GPR158: variants seen among roughly 807,000 people sequenced by gnomAD.
GPR158 encodes the protein G protein-coupled receptor 158.
GPR158 carries 30 observed loss-of-function variants against 78.2 expected under a neutral mutation model. The observed-to-expected ratio is 0.38, with a 90% CI of 0.29 to 0.52. GPR158 has a LOEUF of 0.52. GPR158 is among the 20% of genes least tolerant of loss of function. GPR158 has a pLI of 0.83. For missense variants in GPR158, 1,463 were observed against 1,523.5 expected, an observed-to-expected ratio of 0.96 and a Z score of 0.66; for synonymous variants, 581 against 591.1, an observed-to-expected ratio of 0.98 and a Z score of 0.25.
intron 8 of GPR158, among the ~76,000 whole-genome samples, chr10:25,590,839 A>T (rs1837331935): frequency 1.3e-5 from 2 of 152,138 alleles, no homozygotes; most frequent in South Asian, 2.1e-4. Context: ...TTAATTGTCC[A>T]AGTACTTAAA....
chr10:25,388,153 G>T (rs938719441), intron 2 of GPR158, among the ~76,000 whole-genome samples: 1 of 152,142 alleles, frequency 6.6e-6, no homozygotes, highest in Non-Finnish European at 1.5e-5. Context: ...GCTTGTTAAG[G>T]TTCATCAAAG....
intron 2 of GPR158, among the ~76,000 whole-genome samples, chr10:25,343,620 T>C (rs988390418): frequency 5.3e-5 from 8 of 152,026 alleles, no homozygotes; most frequent in African/African-American, 1.4e-4. Context: ...AAAGATAATC[T>C]AAAGTGCTTT....
chr10:25,443,942 G>A (rs1441396678), intron 4 of GPR158, among the ~76,000 whole-genome samples: 2 of 152,054 alleles, frequency 1.3e-5, no homozygotes, highest in Non-Finnish European at 2.9e-5. Context: ...GCAGTTTTGG[G>A]TATGTTCCCT....
chr10:25,358,770 G>T (rs1476648316), intron 2 of GPR158, among the ~76,000 whole-genome samples: 5 of 152,024 alleles, frequency 3.3e-5, no homozygotes, highest in Non-Finnish European at 7.4e-5. Context: ...TGAACTCCCA[G>T]ATTTTTCTGG....
rs1475899218 is a variant in GPR158 at position 25,176,358 on chromosome 10, G to A, written c.902+36G>A. On this transcript the variant is annotated intron_variant, in intron 1 of 10. Transcript: ENST00000376351. This position sits in a 1 kb window ranked among gnomAD's most constrained non-coding sequence, Gnocchi z 6.3. Reference sequence around the variant, plus strand: ...CCGGGGGGCAGGGGGGAAGGCAAAAGCGAAGCTTTCCTTCCGGTCTTGTGG... The same window carrying A: ...CCGGGGGGCAGGGGGGAAGGCAAAAACGAAGCTTTCCTTCCGGTCTTGTGG... 2 of 1,481,180 alleles carry A rather than the reference G, an allele frequency of 1.4e-6. No homozygotes were observed. Among genetic ancestry groups the A allele is most frequent in the East Asian group, 2.3e-5 (1 of 43,804 alleles). 91.8% of individuals were successfully genotyped at this position (1,481,180 alleles called of 1,614,324 possible).
At chr10:25,344,543 T>C (rs764836369) in intron 2 of GPR158, among the ~76,000 whole-genome samples, 22 of 151,992 alleles carry the variant, frequency 1.4e-4, no homozygotes, top group Non-Finnish European at 1.9e-4. Flanking sequence ...TAAGGCCCTA[T>C]CTGCATTATA....
chr10:25,552,108 A>T (rs897388678), intron 6 of GPR158, among the ~76,000 whole-genome samples: 7 of 152,292 alleles, frequency 4.6e-5, no homozygotes, highest in Admixed American at 3.9e-4. Flanking sequence ...TTGACTCTCA[A>T]GATTCCCTTC....
chr10:25,458,810 A>T (rs995363444), intron 4 of GPR158, among the ~76,000 whole-genome samples: 2 of 152,224 alleles, frequency 1.3e-5, no homozygotes, highest in Admixed American at 1.3e-4. Flanking sequence ...TCTAACTTAC[A>T]TACATTTTAC....
intron 1 of GPR158, among the ~76,000 whole-genome samples, chr10:25,181,851 A>T (rs1462402354): frequency 6.6e-6 from 1 of 152,026 alleles, no homozygotes; most frequent in East Asian, 1.9e-4. Context: ...TTGGGTAGCC[A>T]GGACTACAGG....
chr10:25,194,853 ATTCTT>A (rs563857366), intron 1 of GPR158, among the ~76,000 whole-genome samples: 171 of 152,018 alleles, frequency 1.1e-3, no homozygotes, highest in African/African-American at 3.9e-3. Flanking sequence ...GATACCTTTT[ATTCTT>A]TTCTTCTTTT....
chr10:25,350,767 C>A (rs1442356787), intron 2 of GPR158, among the ~76,000 whole-genome samples: 1 of 151,960 alleles, frequency 6.6e-6, no homozygotes, highest in African/African-American at 2.4e-5. Flanking sequence ...CAGTTGGTGA[C>A]CCCTCCTCCT....
intron 4 of GPR158, among the ~76,000 whole-genome samples, chr10:25,446,219 T>C (rs1307454027): frequency 2.0e-5 from 3 of 152,208 alleles, no homozygotes; most frequent in Non-Finnish European, 2.9e-5. Flanking sequence ...TCCACTTGCA[T>C]TGATTTATTT....
At position 25,601,848 on chromosome 10, in the gene GPR158, T is replaced by C. The variant is rs915623039; in HGVS notation, c.*2574T>C. On this transcript the variant is annotated 3_prime_UTR_variant, in exon 11 of 11. Coordinates refer to ENST00000376351, the MANE Select transcript of GPR158 (RefSeq NM_020752.3). ...CAGGGTTTATAAATAAGTAGATTTA[T>C]ACCAATCTTAATAGAATTGTATATT... The C allele has an allele frequency of 6.6e-6, 1 of 152,670 alleles. No homozygotes were observed. Among genetic ancestry groups the C allele is most frequent in the Admixed American group, 6.5e-5 (1 of 15,274 alleles). The allele number at this position is 152,670 out of a possible 1,614,324, so 9.5% of individuals were successfully genotyped here. A position where few individuals can be genotyped will look rare whatever the true frequency, so the allele number is the denominator to read the frequency against.
In GPR158 at chr10:25,572,750, G is replaced by C. The variant is rs778126633; in HGVS notation, c.1616G>C (p.Trp539Ser). Residue 539 changes from tryptophan to serine, a missense_variant, in exon 7 of 11, where the codon TGG (tryptophan) becomes TCG (serine). Coordinates refer to ENST00000376351, the MANE Select transcript of GPR158 (RefSeq NM_020752.3). Reference sequence around the variant, plus strand: ...GCAGTAATACTCTTGGTAGTGTTTTGGTTTCTCATTGGCTGGACTTCATCT... The same window carrying C: ...GCAGTAATACTCTTGGTAGTGTTTTCGTTTCTCATTGGCTGGACTTCATCT... The part of the protein sequence containing the change: ...MLAVILLVVF[W>S]FLIGWTSSVC... The C allele has an allele frequency of 1.2e-6, 2 of 1,613,438 alleles. No homozygotes were observed. Among genetic ancestry groups the C allele is most frequent in the Admixed American group, 3.3e-5 (2 of 59,982 alleles).
rs934000145 is a variant in GPR158 at position 25,270,504 on chromosome 10, C to T, written c.1008+49347C>T. Among the ~76,000 whole-genome samples the T allele has an allele frequency of 2.2e-4, 34 of 152,090 alleles. 1 individual carries two copies. The highest frequency in any genetic ancestry group is 2.0e-4 in the Admixed American group (3 of 15,254). ...CAACAAAGCAAATGGTTTGCAGCTA[C>T]AAACTGTCTACTTTTGGCTGTCCCA... On this transcript the variant is annotated intron_variant, in intron 2 of 10. Coordinates refer to ENST00000376351, the MANE Select transcript of GPR158 (RefSeq NM_020752.3).
At chr10:25,471,771 T>C (rs1222733765) in intron 5 of GPR158, among the ~76,000 whole-genome samples, 1 of 152,226 alleles carries the variant, frequency 6.6e-6, no homozygotes, top group Middle Eastern at 3.2e-3. Context: ...TTTTGAGAAG[T>C]GTCTGTTCAT....
rs1257857596 is a variant in GPR158, at chr10:25,572,727, A to G, written c.1593A>G (p.Ala531=). Residue 531 remains alanine, a synonymous_variant, in exon 7 of 11, where the codon GCA becomes GCG. Transcript: ENST00000376351. ...MTGGRVMRML[A]VILLVVFWFL... is the part of the protein sequence containing the mutation. Reference sequence around the variant, plus strand: ...GCGGACGGGTCATGAGGATGCTGGCAGTAATACTCTTGGTAGTGTTTTGGT... The same window carrying G: ...GCGGACGGGTCATGAGGATGCTGGCGGTAATACTCTTGGTAGTGTTTTGGT... The G allele has an allele frequency of 2.4e-5, 39 of 1,613,996 alleles. No individual in the cohort carries two copies. Among genetic ancestry groups the G allele is most frequent in the Non-Finnish European group, 3.2e-5 (38 of 1,179,844 alleles).
At chr10:25,315,302 G>A (rs1158840707) in intron 2 of GPR158, among the ~76,000 whole-genome samples, 2 of 152,076 alleles carry the variant, frequency 1.3e-5, no homozygotes, top group Non-Finnish European at 2.9e-5. Flanking sequence ...GTTAATTGGT[G>A]CATGAGTATT....
At chr10:25,216,679 A>C (rs930980255) in intron 1 of GPR158, among the ~76,000 whole-genome samples, 1 of 152,224 alleles carries the variant, frequency 6.6e-6, no homozygotes, top group African/African-American at 2.4e-5. Flanking sequence ...AGGTAAGCAC[A>C]CTGCATTATG....
Sources: gnomAD v4.1 joint callset for allele counts (sites outside exome capture counted in the v4.1 genomes callset) on GRCh38, gnomAD v4.1.1 for gene constraint, Gnocchi (gnomAD v3.1) non-coding constraint, MANE v1.5 for transcripts, NCBI Gene and HGNC (gene_info 2026-07-23, HGNC 2026-07-21) for gene names.